Variants in CDKL4 observed in about 807,000 individuals in gnomAD.
CDKL4 encodes the protein cyclin-dependent kinase-like 4.
Under a neutral mutation model 42.0 loss-of-function variants are expected in CDKL4, and 44 were observed. The ratio of observed to expected loss-of-function variants is 1.05; its 90% CI spans 0.82 to 1.35. The LOEUF is 1.35. Ranked by LOEUF, CDKL4 falls within the 40% of genes most tolerant of loss-of-function variation. The pLI is 0.00. For missense variants in CDKL4, 393 were observed against 369.9 expected, an observed-to-expected ratio of 1.06 and a Z score of -0.51; for synonymous variants, 120 against 121.6, an observed-to-expected ratio of 0.99 and a Z score of 0.09.
At chr2:39,189,678 T>G (rs1460030536) in intron 6 of CDKL4, among the ~76,000 whole-genome samples, 3 of 152,232 alleles carry the variant, frequency 2.0e-5, no homozygotes, top group African/African-American at 7.2e-5. Context: ...AAGCAGATTT[T>G]TAAAAGTCAA....
At chr2:39,226,069 G>A (rs1429753022) in intron 2 of CDKL4, 109 bp from the exon 3 acceptor site, 9 of 1,118,038 alleles carry the variant, frequency 8.0e-6, no homozygotes, top group Non-Finnish European at 1.1e-5. Context: ...TTCATCCAAT[G>A]TACCTATAAT....
At chr2:39,198,617 T>C (rs991258514) in intron 5 of CDKL4, among the ~76,000 whole-genome samples, 2 of 151,830 alleles carry the variant, frequency 1.3e-5, no homozygotes, top group East Asian at 3.9e-4. Flanking sequence ...TTAAGAAAAT[T>C]GAAATTATAG....
chr2:39,207,504 T>C (rs997939667), intron 4 of CDKL4, among the ~76,000 whole-genome samples: 13 of 152,220 alleles, frequency 8.5e-5, no homozygotes, highest in African/African-American at 2.7e-4. Context: ...TACTTGGTGA[T>C]TGCATTAGAA....
chr2:39,185,204 A>G (rs1480913523), intron 7 of CDKL4, among the ~76,000 whole-genome samples: 1 of 20,262 alleles, frequency 4.9e-5, no homozygotes, highest in Admixed American at 4.1e-4. Context: ...ATATATACAC[A>G]TACGTATATA....
At chr2:39,210,051 G>A (rs145647853) in intron 4 of CDKL4, among the ~76,000 whole-genome samples, 11 of 152,222 alleles carry the variant, frequency 7.2e-5, no homozygotes, top group East Asian at 3.9e-4. Flanking sequence ...ACAGTGGCCC[G>A]ATCTTAGCTC....
exon 3 of CDKL4, chr2:39,225,848 T>G (rs2148383902): frequency 6.2e-7 from 1 of 1,601,064 alleles, no homozygotes; most frequent in South Asian, 1.1e-5. Flanking sequence ...CCCATTTGGG[T>G]TTCTTTCCAG....
At chr2:39,242,309 G>A (rs1679701891) in intron 1 of CDKL4, among the ~76,000 whole-genome samples, 1 of 152,212 alleles carries the variant, frequency 6.6e-6, no homozygotes, top group Non-Finnish European at 1.5e-5. Context: ...GCCTCCCAAA[G>A]TGCAGCAGTT....
At chr2:39,204,459 TAA>T in intron 5 of CDKL4, 66 bp downstream of exon 5, 1 of 911,754 alleles carries the variant, frequency 1.1e-6, no homozygotes, top group Non-Finnish European at 1.8e-6. Flanking sequence ...ATATCCAATG[TAA>T]GAATTTAAAC....
intron 9 of CDKL4, 50 bp downstream of exon 9, chr2:39,179,137 A>C (rs946852173): frequency 6.3e-7 from 1 of 1,575,596 alleles, no homozygotes; most frequent in African/African-American, 1.4e-5. Flanking sequence ...GACAAACAAA[A>C]ACAAAAAAGG....
At chr2:39,236,831 G>A (rs1417351815) in intron 1 of CDKL4, among the ~76,000 whole-genome samples, 4 of 152,022 alleles carry the variant, frequency 2.6e-5, no homozygotes, top group Non-Finnish European at 5.9e-5. Context: ...ATACCAAAAT[G>A]GACTCCAGAA....
At chr2:39,184,603 C>T (rs1433525915) in exon 8 of CDKL4, 1 of 1,611,302 alleles carries the variant, frequency 6.2e-7, no homozygotes, top group East Asian at 2.2e-5. Flanking sequence ...TCATGAAGTT[C>T]AGAGCCACAG....
downstream of CDKL4, among the ~76,000 whole-genome samples, chr2:39,175,128 C>T (rs534803780): frequency 5.5e-4 from 84 of 152,212 alleles, 1 homozygote; most frequent in Non-Finnish European, 7.1e-4. Flanking sequence ...GATTAAGATG[C>T]CCTCACTAGT....
At chr2:39,195,238 G>C (rs1414989306) in intron 5 of CDKL4, among the ~76,000 whole-genome samples, 1 of 152,060 alleles carries the variant, frequency 6.6e-6, no homozygotes, top group African/African-American at 2.4e-5. Context: ...TCCACCTTTT[G>C]TCATTGTGAA....
At chr2:39,229,459 G>A in exon 2 of CDKL4, 3 of 1,613,366 alleles carry the variant, frequency 1.9e-6, no homozygotes, top group Non-Finnish European at 1.7e-6. Context: ...TTGTCCAGAG[G>A]TTTTGTTTCT....
intron 5 of CDKL4, among the ~76,000 whole-genome samples, chr2:39,197,530 C>A (rs1321540740): frequency 6.6e-6 from 1 of 152,098 alleles, no homozygotes; most frequent in Non-Finnish European, 1.5e-5. Context: ...CGCCTAGGCA[C>A]ATAGGCATCA....
At chr2:39,184,536 A>C in intron 8 of CDKL4, 55 bp downstream of exon 8, 1 of 1,284,628 alleles carries the variant, frequency 7.8e-7, no homozygotes. Context: ...TCAAATTACC[A>C]GCTTCAGTCA....
At chr2:39,193,063 G>C (rs931458073) in intron 5 of CDKL4, among the ~76,000 whole-genome samples, 2 of 151,176 alleles carry the variant, frequency 1.3e-5, no homozygotes, top group African/African-American at 4.9e-5. Context: ...AGGAGGTTGA[G>C]GCTGCAGTGA....
intron 3 of CDKL4, among the ~76,000 whole-genome samples, chr2:39,220,777 G>A (rs1188272218): frequency 6.6e-6 from 1 of 151,318 alleles, no homozygotes; most frequent in African/African-American, 2.4e-5. Flanking sequence ...AGTAGAGACA[G>A]GGTTCCACCA....
chr2:39,193,432 A>G (rs1158423389), intron 5 of CDKL4, among the ~76,000 whole-genome samples: 1 of 151,172 alleles, frequency 6.6e-6, no homozygotes, highest in East Asian at 1.9e-4. Flanking sequence ...CTGGAGTTCA[A>G]TGGCACAATC....
Sources: gnomAD v4.1 joint callset for allele counts (sites outside exome capture counted in the v4.1 genomes callset) on GRCh38, gnomAD v4.1.1 for gene constraint, MANE v1.5 for transcripts, NCBI Gene and HGNC (gene_info 2026-07-23, HGNC 2026-07-21) for gene names.